The following FHIT variants were observed in gnomAD, a reference collection of about 807,000 sequenced individuals.
FHIT encodes bis(5'-adenosyl)-triphosphatase.
A neutral mutation model predicts 17.9 loss-of-function variants in FHIT; 19 were observed. The observed-to-expected ratio is 1.06, with a 90% CI of 0.74 to 1.56. The LOEUF (loss-of-function observed/expected upper bound fraction) is 1.56, where lower values mean the gene tolerates loss of function less well. FHIT is among the 40% of genes most tolerant of loss of function. The pLI, the probability that FHIT is intolerant of heterozygous loss-of-function variation, is 0.00. For synonymous variants in FHIT, 81 were observed against 69.7 expected (o/e 1.16, Z -0.81); for missense variants, 248 against 189.2 (o/e 1.31, Z -1.82).
At chr3:60,113,332 G>A (rs776846526) in intron 5 of FHIT, among the ~76,000 whole-genome samples, 6 of 150,378 alleles carry the variant, frequency 4.0e-5, no homozygotes, top group Non-Finnish European at 8.8e-5. Flanking sequence ...TATAATCCAT[G>A]TACTACAGAA....
chr3:59,941,655 A>G (rs1490381400), intron 7 of FHIT, among the ~76,000 whole-genome samples: 1 of 152,186 alleles, frequency 6.6e-6, no homozygotes, highest in Non-Finnish European at 1.5e-5. Flanking sequence ...GACATAGCGC[A>G]TAACACTCAG....
chr3:60,471,187 T>C (rs1470715494), intron 5 of FHIT, among the ~76,000 whole-genome samples: 1 of 152,134 alleles, frequency 6.6e-6, no homozygotes, highest in Non-Finnish European at 1.5e-5. Context: ...CTAGAGTTAG[T>C]GGGGAGCAGC....
intron 8 of FHIT, among the ~76,000 whole-genome samples, chr3:59,777,460 G>A (rs535857739): frequency 2.6e-5 from 4 of 151,738 alleles, no homozygotes; most frequent in African/African-American, 4.8e-5. Flanking sequence ...CTGGTTACTC[G>A]AGCCAAAAAC....
chr3:61,025,643 A>G (rs1377779241), intron 3 of FHIT, among the ~76,000 whole-genome samples: 2 of 152,254 alleles, frequency 1.3e-5, no homozygotes, highest in Non-Finnish European at 2.9e-5. Context: ...TTTACAAACC[A>G]TCTAAACTTT....
intron 5 of FHIT, among the ~76,000 whole-genome samples, chr3:60,134,382 A>G (rs1699720097): frequency 6.6e-6 from 1 of 152,200 alleles, no homozygotes; most frequent in African/African-American, 2.4e-5. Flanking sequence ...AATTGTTCAC[A>G]TTTATTCCCT....
chr3:60,139,130 A>T (rs779853659), intron 5 of FHIT, among the ~76,000 whole-genome samples: 1 of 152,186 alleles, frequency 6.6e-6, no homozygotes, highest in Non-Finnish European at 1.5e-5. Flanking sequence ...CTGGCAAACA[A>T]GGAATCAGAT....
At position 60,715,407 on chromosome 3, in the gene FHIT, T is replaced by A. The variant is rs112636533; in HGVS notation, c.-18+106512A>T. The stretch of plus-strand genomic sequence containing the variant: ...AATGATAGACTGGATTAAGAAATTG[T>A]GGCACATATACACCATGGAATACCA... On this transcript the variant is annotated intron_variant, in intron 4 of 9. Transcript: ENST00000492590. Among the ~76,000 whole-genome samples, 175 of 152,232 alleles carry A rather than the reference T, an allele frequency of 1.1e-3. 1 individual carries two copies. Among genetic ancestry groups the A allele is most frequent in the African/African-American group, 4.1e-3 (170 of 41,534 alleles).
intron 8 of FHIT, among the ~76,000 whole-genome samples, chr3:59,818,112 G>GA (rs71287195): frequency 0.62 from 92,979 of 149,974 alleles, 30,924 homozygotes; most frequent in Middle Eastern, 0.8. Flanking sequence ...ATTCTAAAAA[G>GA]AAAAAAAAAG....
At chr3:59,856,104 C>T (rs538661067) in intron 8 of FHIT, among the ~76,000 whole-genome samples, 118 of 151,862 alleles carry the variant, frequency 7.8e-4, no homozygotes, top group African/African-American at 1.9e-3. Flanking sequence ...TTGACAATAT[C>T]GATTAAAAGA....
rs557201400 is a variant in FHIT, at chr3:59,856,121, T to C, written c.348+66225A>G. 1.2e-3 allele frequency among the ~76,000 whole-genome samples: 187 copies of C among 152,304 alleles called. 1 individual carries two copies. Among genetic ancestry groups the C allele is most frequent in the African/African-American group, 2.3e-3 (96 of 41,576 alleles). The stretch of plus-strand genomic sequence containing the variant: ...GACAATATCGATTAAAAGAGGAAGA[T>C]GTTTTGAATGAAAAAGTGAATATTT... On this transcript the variant is annotated intron_variant, in intron 8 of 9. Coordinates refer to ENST00000492590, the MANE Select transcript of FHIT (RefSeq NM_002012.4).
chr3:60,201,298 T>C (rs1026616936), intron 5 of FHIT, among the ~76,000 whole-genome samples: 2 of 152,132 alleles, frequency 1.3e-5, no homozygotes, highest in Non-Finnish European at 2.9e-5. Flanking sequence ...ATCATCATTC[T>C]AAATTCTACA....
In FHIT at chr3:61,033,754, AT is replaced by A. The variant is rs946943563; in HGVS notation, c.-111+8292del. 1.3e-5 allele frequency among the ~76,000 whole-genome samples: 2 copies of A among 152,200 alleles called. 1 individual carries two copies. Among genetic ancestry groups the A allele is most frequent in the Admixed American group, 1.3e-4 (2 of 15,280 alleles). On this transcript the variant is annotated intron_variant, in intron 3 of 9. Transcript: ENST00000492590. ...ACTCCAACCCCAGGTCTTTCTTTTA[AT>A]AATTATCCTAAATTAACAAACACAC...
At chr3:60,607,806 A>G (rs1412361274) in intron 4 of FHIT, among the ~76,000 whole-genome samples, 3 of 152,210 alleles carry the variant, frequency 2.0e-5, no homozygotes, top group African/African-American at 7.2e-5. Flanking sequence ...ACACACATAT[A>G]AACATATATG....
intron 4 of FHIT, among the ~76,000 whole-genome samples, chr3:60,563,113 G>C (rs1270715604): frequency 2.0e-5 from 3 of 152,182 alleles, no homozygotes; most frequent in Non-Finnish European, 4.4e-5. Context: ...GCTGCAGAGA[G>C]AGTGGACAAT....
At chr3:59,845,311 T>G (rs1701678835) in intron 8 of FHIT, among the ~76,000 whole-genome samples, 1 of 152,166 alleles carries the variant, frequency 6.6e-6, no homozygotes, top group Non-Finnish European at 1.5e-5. Context: ...GCTCTAATCT[T>G]TATTCTTTCC....
At chr3:60,320,303 A>G (rs1709362523) in intron 5 of FHIT, among the ~76,000 whole-genome samples, 1 of 152,174 alleles carries the variant, frequency 6.6e-6, no homozygotes, top group Admixed American at 6.5e-5. Flanking sequence ...GGCGCAGGAT[A>G]GCGGCAGCGT....
At chr3:61,138,632 C>A (rs1187456035) in intron 2 of FHIT, among the ~76,000 whole-genome samples, 1 of 152,226 alleles carries the variant, frequency 6.6e-6, no homozygotes, top group Non-Finnish European at 1.5e-5. Context: ...TGCTTCCCAG[C>A]AGTTCTCTGC....
chr3:59,989,081 G>T (rs1346239931), intron 7 of FHIT, among the ~76,000 whole-genome samples: 2 of 152,068 alleles, frequency 1.3e-5, no homozygotes, highest in African/African-American at 4.8e-5. Context: ...GAGGTTCTGG[G>T]AAGGGGAGCC....
chr3:60,034,140 T>C (rs896572801), intron 5 of FHIT, among the ~76,000 whole-genome samples: 1 of 152,248 alleles, frequency 6.6e-6, no homozygotes, highest in African/African-American at 2.4e-5. Flanking sequence ...GTACTCTAAC[T>C]GTCCCTGCTG....
Sources: gnomAD v4.1 joint callset for allele counts (sites outside exome capture counted in the v4.1 genomes callset) on GRCh38, gnomAD v4.1.1 for gene constraint, MANE v1.5 for transcripts, NCBI Gene and HGNC (gene_info 2026-07-23, HGNC 2026-07-21) for gene names.